The following SGCZ variants were observed in gnomAD, a reference collection of about 807,000 sequenced individuals.
SGCZ encodes the protein zeta-sarcoglycan.
SGCZ carries 40 observed loss-of-function variants against 41.3 expected under a neutral mutation model. The observed-to-expected ratio is 0.97, with a 90% CI of 0.75 to 1.26. SGCZ has a LOEUF of 1.26. SGCZ is among the 50% of genes most tolerant of loss of function. The pLI is 0.00. For missense variants in SGCZ, 552 were observed against 369.8 expected, an observed-to-expected ratio of 1.49 and a Z score of -4.04; for synonymous variants, 206 against 137.5, an observed-to-expected ratio of 1.50 and a Z score of -3.49.
In SGCZ at chr8:14,309,422, C is replaced by T. The variant is rs1479727602; in HGVS notation, c.336+14681G>A. 1.9e-6 allele frequency: 3 copies of T among 1,606,628 alleles called. No individual in the cohort carries two copies. In the African/African-American group the frequency reaches 4.0e-5, roughly 22 times the overall value. ...CGATCGCTTTTGGCTAGAGACACTT[C>T]TGTGCCTTATTGGACAATCTTCTGA... On this transcript the variant is annotated intron_variant, in intron 3 of 7. Transcript: ENST00000382080.
chr8:14,440,769 A>G lies in SGCZ; in HGVS notation c.234+113963T>C, dbSNP rs1363501251. Among the ~76,000 whole-genome samples the G allele has an allele frequency of 2.7e-5, 4 of 147,904 alleles. No homozygotes were observed. The Admixed American group carries it at 2.7e-4, about 10-fold the overall frequency. On this transcript the variant is annotated intron_variant, in intron 2 of 7. Transcript: ENST00000382080. Reference sequence around the variant, plus strand: ...TACATACGTATACACGTATATGTATATATGTATATACATACGTATACACGT... The same window carrying G: ...TACATACGTATACACGTATATGTATGTATGTATATACATACGTATACACGT...
At chr8:14,878,299 C>T (rs1426204626) in intron 1 of SGCZ, among the ~76,000 whole-genome samples, 1 of 151,248 alleles carries the variant, frequency 6.6e-6, no homozygotes, top group Non-Finnish European at 1.5e-5. Context: ...TATTAAGAAC[C>T]AGCCATGTTT....
chr8:15,111,928 G>C (rs565668439), intron 1 of SGCZ, among the ~76,000 whole-genome samples: 1 of 151,344 alleles, frequency 6.6e-6, no homozygotes, highest in Non-Finnish European at 1.5e-5. Flanking sequence ...CCTCCTTTCA[G>C]TGTTTCATTT....
intron 1 of SGCZ, among the ~76,000 whole-genome samples, chr8:15,081,986 C>G (rs10093615): frequency 1.3e-5 from 2 of 151,984 alleles, no homozygotes; most frequent in African/African-American, 4.8e-5. Context: ...TTATTATTCA[C>G]GCTTCTTAAC....
intron 1 of SGCZ, among the ~76,000 whole-genome samples, chr8:15,200,960 CA>C (rs1800870750): frequency 6.6e-6 from 1 of 152,124 alleles, no homozygotes; most frequent in Non-Finnish European, 1.5e-5. Context: ...TCTCTATTTT[CA>C]GTAAAAATAA....
chr8:14,564,788 G>A (rs1488261190), intron 1 of SGCZ, among the ~76,000 whole-genome samples: 2 of 152,124 alleles, frequency 1.3e-5, no homozygotes, highest in Non-Finnish European at 2.9e-5. Flanking sequence ...AACAAAATGA[G>A]TCTCTAAACA....
chr8:14,306,672 T>C (rs552888330), intron 3 of SGCZ, among the ~76,000 whole-genome samples: 120 of 148,844 alleles, frequency 8.1e-4, no homozygotes, highest in African/African-American at 2.9e-3. Flanking sequence ...CTGTGTCATA[T>C]AGACACTGAA....
chr8:15,109,351 G>A lies in SGCZ; in HGVS notation c.39+128234C>T, dbSNP rs114374217. ...AAATTCATGTTTCTAGATGTCACTC[G>A]AGCTGAGTTTTAAAATTTGAGAAGG... On this transcript the variant is annotated intron_variant, in intron 1 of 7. Transcript: ENST00000382080. Among the ~76,000 whole-genome samples the A allele has an allele frequency of 4.1e-3, 627 of 152,086 alleles. 8 individuals carry two copies. Among genetic ancestry groups the A allele is most frequent in the African/African-American group, 0.014 (589 of 41,486 alleles).
In SGCZ at chr8:14,723,520, T is replaced by C. The variant is rs1236698747; in HGVS notation, c.40-168594A>G. ...TGGGGACCTTTGTGCACAGGACAGC[T>C]CCACGGAGCCTGGCCATAGGTGCCC... On this transcript the variant is annotated intron_variant, in intron 1 of 7. Coordinates refer to ENST00000382080, the MANE Select transcript of SGCZ (RefSeq NM_139167.4). Among the ~76,000 whole-genome samples, 4 of 152,148 alleles carry C rather than the reference T, an allele frequency of 2.6e-5. No individual in the cohort carries two copies. The East Asian group carries it at 7.8e-4, about 30-fold the overall frequency.
At chr8:14,612,851 A>C (rs1805973919) in intron 1 of SGCZ, among the ~76,000 whole-genome samples, 1 of 152,014 alleles carries the variant, frequency 6.6e-6, no homozygotes, top group Non-Finnish European at 1.5e-5. Flanking sequence ...ACACCCAGCT[A>C]ATTTTTTGTA....
In SGCZ at chr8:14,443,510, A is replaced by T. The variant is rs574605579; in HGVS notation, c.234+111222T>A. 5.8e-3 allele frequency among the ~76,000 whole-genome samples: 879 copies of T among 152,258 alleles called. 10 individuals are homozygous for T. The highest frequency in any genetic ancestry group is 0.02 in the African/African-American group (839 of 41,520). ...AGAGCCCTCAGAAATAACACCGCAT[A>T]TCTACAACTATCTGATCTTTGACAA... On this transcript the variant is annotated intron_variant, in intron 2 of 7. Coordinates refer to ENST00000382080, the MANE Select transcript of SGCZ (RefSeq NM_139167.4).
chr8:14,168,322 GAAATAT>G (rs200792184), intron 4 of SGCZ, among the ~76,000 whole-genome samples: 4,241 of 152,176 alleles, frequency 0.028, 197 homozygotes, highest in African/African-American at 0.096. Context: ...CTGCTTTCAT[GAAATAT>G]AAATATAAAT....
At chr8:14,913,694 G>T (rs1799343925) in intron 1 of SGCZ, among the ~76,000 whole-genome samples, 1 of 151,852 alleles carries the variant, frequency 6.6e-6, no homozygotes, top group African/African-American at 2.4e-5. Context: ...TTATGTGTGG[G>T]ATATATTTAA....
intron 5 of SGCZ, among the ~76,000 whole-genome samples, chr8:14,138,238 A>G (rs1803261740): frequency 1.3e-5 from 2 of 152,246 alleles, no homozygotes; most frequent in Admixed American, 6.5e-5. Context: ...GCCAAATTGT[A>G]AAGACCATCG....
At chr8:14,986,206 C>T (rs1801820714) in intron 1 of SGCZ, among the ~76,000 whole-genome samples, 1 of 151,922 alleles carries the variant, frequency 6.6e-6, no homozygotes, top group Non-Finnish European at 1.5e-5. Flanking sequence ...ACAGTAAATT[C>T]CCTAAATATA....
chr8:14,475,358 A>T (rs1271720642), intron 2 of SGCZ, among the ~76,000 whole-genome samples: 1 of 152,204 alleles, frequency 6.6e-6, no homozygotes, highest in Non-Finnish European at 1.5e-5. Flanking sequence ...AATTGTAAAT[A>T]TAAATTTTGT....
At chr8:14,802,291 A>G (rs1455109315) in intron 1 of SGCZ, among the ~76,000 whole-genome samples, 1 of 152,240 alleles carries the variant, frequency 6.6e-6, no homozygotes, top group Middle Eastern at 3.2e-3. Flanking sequence ...TGAATAAATC[A>G]CTAAGCTGCC....
chr8:14,993,782 A>G (rs956342752), intron 1 of SGCZ, among the ~76,000 whole-genome samples: 1 of 152,192 alleles, frequency 6.6e-6, no homozygotes, highest in Admixed American at 6.5e-5. Context: ...GACAAGGTCA[A>G]TGTTAACAGA....
At chr8:14,730,215 C>G (rs894171745) in intron 1 of SGCZ, among the ~76,000 whole-genome samples, 5 of 152,122 alleles carry the variant, frequency 3.3e-5, no homozygotes, top group Non-Finnish European at 7.3e-5. Context: ...CCGCACGAAG[C>G]TTTATGGTAC....
Sources: allele counts gnomAD v4.1 joint callset (sites outside exome capture counted in the v4.1 genomes callset), GRCh38; gene constraint gnomAD v4.1.1; transcripts MANE v1.5; gene names NCBI Gene and HGNC (gene_info 2026-07-23, HGNC 2026-07-21).